Variants in NPAS3 observed in about 807,000 individuals in gnomAD.
NPAS3 encodes the protein neuronal PAS domain-containing protein 3.
Under a neutral mutation model 73.1 loss-of-function variants are expected in NPAS3, and 14 were observed. The observed-to-expected ratio is 0.19, with a 90% CI of 0.13 to 0.30. The LOEUF (loss-of-function observed/expected upper bound fraction) is 0.30, where lower values mean the gene tolerates loss of function less well. Ranked by LOEUF, NPAS3 falls within the 10% of genes least tolerant of loss-of-function variation. NPAS3 has a pLI of 1.00. For synonymous variants in NPAS3, 620 were observed against 541.5 expected (o/e 1.14, Z -2.01); for missense variants, 1,096 against 1,250.0 (o/e 0.88, Z 1.86).
intron 3 of NPAS3, among the ~76,000 whole-genome samples, chr14:33,247,507 C>T (rs780635563): frequency 6.6e-6 from 1 of 152,150 alleles, no homozygotes; most frequent in Non-Finnish European, 1.5e-5. Context: ...AGTGGAAGCC[C>T]TTTATGATCC....
chr14:33,072,395 A>G (rs2041516110), intron 2 of NPAS3, among the ~76,000 whole-genome samples: 1 of 152,208 alleles, frequency 6.6e-6, no homozygotes, highest in Non-Finnish European at 1.5e-5. Flanking sequence ...ACTGTATTAT[A>G]TTTTGAAATT....
At chr14:33,484,251 G>A (rs1297458788) in intron 4 of NPAS3, among the ~76,000 whole-genome samples, 1 of 152,158 alleles carries the variant, frequency 6.6e-6, no homozygotes, top group African/African-American at 2.4e-5. Context: ...TGAAAGGTCT[G>A]GAGGAGGAGC....
chr14:33,498,641 T>C (rs2052336185), intron 4 of NPAS3, among the ~76,000 whole-genome samples: 1 of 151,586 alleles, frequency 6.6e-6, no homozygotes, highest in East Asian at 2.0e-4. Flanking sequence ...AGTTGAACAA[T>C]GGGAACACAT....
downstream of NPAS3, chr14:33,801,755 A>C (rs1257501585): frequency 6.6e-6 from 1 of 152,582 alleles, no homozygotes; most frequent in Non-Finnish European, 1.5e-5. Flanking sequence ...AGTCGGACTA[A>C]ATGTTAATTA....
At chr14:33,133,142 C>T (rs1042228650) in intron 2 of NPAS3, among the ~76,000 whole-genome samples, 1 of 152,120 alleles carries the variant, frequency 6.6e-6, no homozygotes, top group Non-Finnish European at 1.5e-5. Context: ...TCCAGTGTTA[C>T]TCATGTTATC....
chr14:33,724,461 C>A (rs540573136), intron 6 of NPAS3, among the ~76,000 whole-genome samples: 9 of 152,204 alleles, frequency 5.9e-5, no homozygotes, highest in African/African-American at 2.2e-4. Context: ...TGGTGAAACC[C>A]TGTTTCCTCA....
intron 5 of NPAS3, among the ~76,000 whole-genome samples, chr14:33,640,568 C>T (rs1352504437): frequency 6.6e-6 from 1 of 152,174 alleles, no homozygotes; most frequent in Non-Finnish European, 1.5e-5. Flanking sequence ...TTGATTTCAA[C>T]CATGATATCT....
chr14:33,217,815 A>G (rs1179761226), intron 3 of NPAS3, among the ~76,000 whole-genome samples: 1 of 152,196 alleles, frequency 6.6e-6, no homozygotes, highest in African/African-American at 2.4e-5. Context: ...GGCAAGTGTT[A>G]AGTGGAAACG....
Position 33,572,847 on chromosome 14 carries a change from A to G in NPAS3, c.558+12637A>G, listed in dbSNP as rs189556658. ...AGACCAGCCTGGCCAACATGGTGAA[A>G]CCCTGTCTCTACTAAAAATACAAAA... On this transcript the variant is annotated intron_variant, in intron 5 of 11. Transcript: ENST00000356141. Among the ~76,000 whole-genome samples the G allele has an allele frequency of 1.3e-4, 20 of 152,044 alleles. No homozygotes were observed. The East Asian group carries it at 3.5e-3, about 27-fold the overall frequency.
intron 1 of NPAS3, among the ~76,000 whole-genome samples, chr14:32,975,260 GT>G (rs34261520): frequency 0.29 from 42,027 of 146,876 alleles, 6,238 homozygotes; most frequent in South Asian, 0.35. Flanking sequence ...AAGTATGGTT[GT>G]TTTTTTTCTT....
intron 1 of NPAS3, among the ~76,000 whole-genome samples, chr14:32,964,730 A>T (rs1191721566): frequency 6.6e-6 from 1 of 151,970 alleles, no homozygotes; most frequent in African/African-American, 2.4e-5. Flanking sequence ...TAATCCTAGC[A>T]CTTTGGGAGG....
chr14:32,980,713 G>C (rs1455960199), intron 1 of NPAS3, among the ~76,000 whole-genome samples: 1 of 152,136 alleles, frequency 6.6e-6, no homozygotes, highest in Non-Finnish European at 1.5e-5. Context: ...TTGTATTAAA[G>C]TTGTTGTTGC....
chr14:33,362,422 C>A (rs1278838665), intron 3 of NPAS3, among the ~76,000 whole-genome samples: 2 of 152,210 alleles, frequency 1.3e-5, no homozygotes, highest in African/African-American at 2.4e-5. Context: ...TCCCTGACTT[C>A]TTTGGCCCTA....
At chr14:32,984,940 G>A (rs2038039101) in intron 1 of NPAS3, among the ~76,000 whole-genome samples, 1 of 152,200 alleles carries the variant, frequency 6.6e-6, no homozygotes. Flanking sequence ...AAGGACAATT[G>A]CATCAGTGGG....
intron 1 of NPAS3, among the ~76,000 whole-genome samples, chr14:32,957,615 G>A (rs1256478773): frequency 2.0e-5 from 3 of 152,020 alleles, no homozygotes; most frequent in Admixed American, 6.6e-5. Flanking sequence ...CTGGTGATCC[G>A]CCTGCCTCGG....
intron 4 of NPAS3, among the ~76,000 whole-genome samples, chr14:33,406,950 G>C (rs1030638394): frequency 2.6e-5 from 4 of 152,132 alleles, no homozygotes; most frequent in African/African-American, 9.6e-5. Flanking sequence ...ACACAGTACA[G>C]TTCAAAGGGC....
intron 1 of NPAS3, among the ~76,000 whole-genome samples, chr14:32,965,376 CATCCTTGAGATGCAAGA>C (rs1171182836): frequency 2.6e-5 from 4 of 152,184 alleles, no homozygotes; most frequent in Non-Finnish European, 5.9e-5. Context: ...AAGTGGGATT[CATCCTTGAGATGCAAGA>C]ATGGTTCCAC....
intron 9 of NPAS3, chr14:33,780,511 CTTAA>C (rs1437188753): frequency 2.5e-6 from 1 of 400,062 alleles, no homozygotes; most frequent in African/African-American, 2.1e-5. Context: ...ATTTTGGAAT[CTTAA>C]TTAAGGTCTA....
intron 4 of NPAS3, among the ~76,000 whole-genome samples, chr14:33,539,070 A>G (rs1358702197): frequency 6.6e-6 from 1 of 152,126 alleles, no homozygotes; most frequent in Non-Finnish European, 1.5e-5. Flanking sequence ...GGGGGAATCA[A>G]TGAAGCTCGT....
Sources: gnomAD v4.1 joint callset for allele counts (sites outside exome capture counted in the v4.1 genomes callset) on GRCh38, gnomAD v4.1.1 for gene constraint, MANE v1.5 for transcripts, NCBI Gene and HGNC (gene_info 2026-07-23, HGNC 2026-07-21) for gene names.